Variants in MYO1D observed in about 807,000 individuals in gnomAD.
MYO1D encodes unconventional myosin-Id.
A neutral mutation model predicts 122.0 loss-of-function variants in MYO1D; 83 were observed. The ratio of observed to expected loss-of-function variants is 0.68; its 90% CI spans 0.57 to 0.82. The LOEUF is 0.82. Ranked by LOEUF, MYO1D falls within the 40% of genes least tolerant of loss-of-function variation. MYO1D has a pLI of 0.00. For synonymous variants in MYO1D, 464 were observed against 446.9 expected (o/e 1.04, Z -0.48); for missense variants, 1,157 against 1,269.5 (o/e 0.91, Z 1.35).
intron 1 of MYO1D, among the ~76,000 whole-genome samples, chr17:32,841,166 A>C (rs549151621): frequency 2.0e-5 from 3 of 152,248 alleles, no homozygotes; most frequent in African/African-American, 7.2e-5. Flanking sequence ...TGGGTTTATC[A>C]GGCTGTAACC....
intron 16 of MYO1D, among the ~76,000 whole-genome samples, chr17:32,668,636 T>C (rs553225752): frequency 1.3e-5 from 2 of 152,128 alleles, no homozygotes; most frequent in African/African-American, 2.4e-5. Context: ...AAAAGCTACA[T>C]ACTGCAATTC....
chr17:32,842,460 T>C (rs2090892082), intron 1 of MYO1D, among the ~76,000 whole-genome samples: 1 of 152,172 alleles, frequency 6.6e-6, no homozygotes, highest in Non-Finnish European at 1.5e-5. Context: ...ATTAGAAATA[T>C]GCAGTTATTC....
chr17:32,626,772 A>C (rs2087932898), intron 20 of MYO1D, among the ~76,000 whole-genome samples: 1 of 152,234 alleles, frequency 6.6e-6, no homozygotes, highest in South Asian at 2.1e-4. Flanking sequence ...GAGCTCTGAA[A>C]TTCTGACTTC....
chr17:32,728,357 C>T (rs940740173), intron 14 of MYO1D, among the ~76,000 whole-genome samples: 7 of 152,040 alleles, frequency 4.6e-5, no homozygotes, highest in Non-Finnish European at 7.4e-5. Context: ...AGGGTGCACA[C>T]CACCATGCCT....
chr17:32,828,666 A>G (rs1468111227), intron 1 of MYO1D, among the ~76,000 whole-genome samples: 1 of 152,132 alleles, frequency 6.6e-6, no homozygotes, highest in Non-Finnish European at 1.5e-5. Flanking sequence ...GGGAGGGAAA[A>G]TGCTATGTAA....
In MYO1D at chr17:32,767,606, C is replaced by A; in HGVS notation, c.831+30G>T. On this transcript the variant is annotated intron_variant, in intron 7 of 21. Transcript: ENST00000318217. The stretch of plus-strand genomic sequence containing the variant: ...AAAGCATCCTGTTCTCAGCAGAAGA[C>A]AATACATTCTGAGAGGTGTCCCTAC... 2 of 1,411,426 alleles carry A rather than the reference C, an allele frequency of 1.4e-6. 1 individual carries two copies. The highest frequency in any genetic ancestry group is 4.6e-5 in the East Asian group (2 of 43,518). The allele number at this position is 1,411,426 out of a possible 1,614,324, so 87.4% of individuals were successfully genotyped here.
chr17:32,638,897 T>C (rs571937575), intron 19 of MYO1D, 62 bp from the exon 20 acceptor site: 201 of 1,140,314 alleles, frequency 1.8e-4, no homozygotes, highest in African/African-American at 1.1e-3. Context: ...AGTTGGCTGA[T>C]TGTGAAGACA....
chr17:32,631,487 A>T (rs1488498342), intron 20 of MYO1D, among the ~76,000 whole-genome samples: 2 of 152,106 alleles, frequency 1.3e-5, no homozygotes, highest in Non-Finnish European at 2.9e-5. Flanking sequence ...TACAAAAAAA[A>T]TTTTCAAAGT....
rs552853279 is a variant in MYO1D, at chr17:32,591,868, G to GAGCT, written c.2864+13215_2864+13218dup. ...TTAGAGGGCCTGGGATGGGCCCGGG[G>GAGCT]AGCTGCCTTTTGAAAAAACACCTTC... On this transcript the variant is annotated intron_variant, in intron 21 of 21. Coordinates refer to ENST00000318217, the MANE Select transcript of MYO1D (RefSeq NM_015194.3). 1.6e-3 allele frequency among the ~76,000 whole-genome samples: 247 copies of GAGCT among 152,224 alleles called. 4 individuals are homozygous for GAGCT. The Middle Eastern group carries it at 0.017, about 10-fold the overall frequency.
chr17:32,617,904 C>T (rs565346824), intron 20 of MYO1D, among the ~76,000 whole-genome samples: 6 of 152,186 alleles, frequency 3.9e-5, no homozygotes, highest in Non-Finnish European at 7.3e-5. Flanking sequence ...TATTTTAACA[C>T]ATCAGATAAA....
chr17:32,760,129 A>T, intron 10 of MYO1D, 161 bp downstream of exon 10: 1 of 769,216 alleles, frequency 1.3e-6, no homozygotes, highest in Non-Finnish European at 2.3e-6. Flanking sequence ...AATCCCACCT[A>T]AAAATGATGA....
At chr17:32,789,222 T>C (rs181317718) in intron 1 of MYO1D, among the ~76,000 whole-genome samples, 4 of 152,304 alleles carry the variant, frequency 2.6e-5, no homozygotes, top group African/African-American at 9.6e-5. Flanking sequence ...ACAGCAACAG[T>C]TCAACTTCCT....
At chr17:32,793,954 T>TGC (rs2090386574) in intron 1 of MYO1D, among the ~76,000 whole-genome samples, 1 of 152,238 alleles carries the variant, frequency 6.6e-6, no homozygotes, top group Non-Finnish European at 1.5e-5. Context: ...AGTCGTATTT[T>TGC]TATTATGAGC....
chr17:32,817,654 T>A (rs2090623240), intron 1 of MYO1D, among the ~76,000 whole-genome samples: 2 of 152,142 alleles, frequency 1.3e-5, no homozygotes, highest in African/African-American at 2.4e-5. Flanking sequence ...TTTCTTTGCT[T>A]TTTCTCTAAA....
intron 2 of MYO1D, among the ~76,000 whole-genome samples, chr17:32,779,658 A>T (rs1475133132): frequency 6.6e-6 from 1 of 152,112 alleles, no homozygotes; most frequent in African/African-American, 2.4e-5. Flanking sequence ...ACACACTCAT[A>T]TAATTGTTTT....
At chr17:32,504,228 G>A (rs1012516000) in intron 21 of MYO1D, among the ~76,000 whole-genome samples, 24 of 152,286 alleles carry the variant, frequency 1.6e-4, no homozygotes, top group African/African-American at 4.6e-4. Context: ...GCCCGGGGGC[G>A]TGATCCACAC....
chr17:32,761,956 T>C (rs1199667355), intron 8 of MYO1D, among the ~76,000 whole-genome samples: 1 of 151,946 alleles, frequency 6.6e-6, no homozygotes, highest in African/African-American at 2.4e-5. Context: ...TCCAAGAAAC[T>C]TAGGGAATAG....
chr17:32,699,093 T>G (rs745733736), intron 16 of MYO1D, among the ~76,000 whole-genome samples: 3 of 152,112 alleles, frequency 2.0e-5, no homozygotes, highest in Non-Finnish European at 2.9e-5. Flanking sequence ...TCAGCCTGAA[T>G]AGCTGGGATT....
chr17:32,678,124 A>T (rs948430199), intron 16 of MYO1D, among the ~76,000 whole-genome samples: 1 of 152,110 alleles, frequency 6.6e-6, no homozygotes. Flanking sequence ...CTCCTTATTT[A>T]TGTATTTCCT....
Sources: gnomAD v4.1 joint callset for allele counts (sites outside exome capture counted in the v4.1 genomes callset) on GRCh38, gnomAD v4.1.1 for gene constraint, MANE v1.5 for transcripts, NCBI Gene and HGNC (gene_info 2026-07-23, HGNC 2026-07-21) for gene names.